Variants in TEC observed in about 807,000 individuals in gnomAD.
TEC encodes the protein tyrosine-protein kinase Tec.
A neutral mutation model predicts 93.0 loss-of-function variants in TEC; 72 were observed. The observed-to-expected ratio is 0.77, with a 90% CI of 0.64 to 0.94. TEC has a LOEUF of 0.94. Among genes scored for constraint, TEC ranks in the 40% least tolerant of loss-of-function variants. The pLI is 0.00. For synonymous variants in TEC, 249 were observed against 247.7 expected, an observed-to-expected ratio of 1.01 and a Z score of -0.05; for missense variants, 630 against 757.9, an observed-to-expected ratio of 0.83 and a Z score of 1.98.
chr4:48,184,145 A>G (rs1560396287), intron 2 of TEC, among the ~76,000 whole-genome samples: 1 of 152,220 alleles, frequency 6.6e-6, no homozygotes, highest in African/African-American at 2.4e-5. Flanking sequence ...GTGAATCCTC[A>G]CAGCATTATA....
chr4:48,233,361 A>T (rs1396066065), intron 1 of TEC, among the ~76,000 whole-genome samples: 10 of 126,622 alleles, frequency 7.9e-5, no homozygotes, highest in African/African-American at 1.7e-4. Flanking sequence ...TTTTTTTTTT[A>T]AAGACAAGGT....
chr4:48,198,207 G>T (rs1722369218), intron 2 of TEC, among the ~76,000 whole-genome samples: 1 of 152,242 alleles, frequency 6.6e-6, no homozygotes, highest in South Asian at 2.1e-4. Flanking sequence ...GATCCTGGGG[G>T]GAATATCAAG....
chr4:48,175,650 G>A (rs1046201687), intron 3 of TEC, among the ~76,000 whole-genome samples: 1 of 152,130 alleles, frequency 6.6e-6, no homozygotes, highest in Non-Finnish European at 1.5e-5. Flanking sequence ...TATTTAACAG[G>A]TGAGCACTGA....
intron 1 of TEC, among the ~76,000 whole-genome samples, chr4:48,261,282 T>C (rs1724491899): frequency 6.6e-6 from 1 of 152,252 alleles, no homozygotes. Context: ...CCAGTTAAAT[T>C]GTATTTCTGT....
intron 15 of TEC, among the ~76,000 whole-genome samples, chr4:48,140,812 C>T (rs1314532273): frequency 6.6e-6 from 1 of 152,060 alleles, no homozygotes; most frequent in Non-Finnish European, 1.5e-5. Context: ...CGACCATGCT[C>T]GATCATGTAA....
At chr4:48,264,266 A>G (rs1724574463) in intron 1 of TEC, among the ~76,000 whole-genome samples, 1 of 152,194 alleles carries the variant, frequency 6.6e-6, no homozygotes, top group African/African-American at 2.4e-5. Flanking sequence ...TGACTTTTTA[A>G]AGTCTTTTTA....
intron 2 of TEC, among the ~76,000 whole-genome samples, chr4:48,218,296 C>T (rs1477033925): frequency 2.0e-5 from 3 of 152,146 alleles, no homozygotes; most frequent in South Asian, 2.1e-4. Flanking sequence ...CTAATGATTA[C>T]ATGGAGTATT....
chr4:48,232,305 CAA>C (rs1213201296), intron 1 of TEC, among the ~76,000 whole-genome samples: 6 of 135,794 alleles, frequency 4.4e-5, no homozygotes, highest in Admixed American at 7.3e-5. Context: ...ACAAAAAAAA[CAA>C]AACAAAAAAA....
chr4:48,236,666 C>T (rs1352310391), intron 1 of TEC, among the ~76,000 whole-genome samples: 1 of 152,218 alleles, frequency 6.6e-6, no homozygotes, highest in Non-Finnish European at 1.5e-5. Flanking sequence ...GTACTATTCC[C>T]TTTGCCTTGG....
At chr4:48,266,868 G>C (rs1724651869) in intron 1 of TEC, among the ~76,000 whole-genome samples, 1 of 151,316 alleles carries the variant, frequency 6.6e-6, no homozygotes, top group Non-Finnish European at 1.5e-5. Flanking sequence ...AAAAAGTTAT[G>C]CTTGGCTTAG....
chr4:48,150,932 C>T lies in TEC; in HGVS notation c.803G>A (p.Gly268Asp). The T allele has an allele frequency of 1.3e-6, 2 of 1,581,854 alleles. No homozygotes were observed. Among genetic ancestry groups the T allele is most frequent in the Non-Finnish European group, 1.7e-6 (2 of 1,165,558 alleles). The change falls in exon 10 of 18, where the codon GGT (glycine) becomes GAT (aspartate). Residue 268 changes from glycine to aspartate, a missense_variant. Physicochemically the swap from Gly to Asp is moderately conservative, Grantham distance 94. Transcript: ENST00000381501. ...EQLLRSEDKE[G>D]GFMVRDSSQP... The stretch of plus-strand genomic sequence containing the variant: ...ACTGGAATCCCTTACCATAAAACCA[C>T]CTTCTTTATCCTAAAATCCAAGTTC...
At chr4:48,144,767 G>A (rs1200987737) in intron 14 of TEC, among the ~76,000 whole-genome samples, 1 of 152,132 alleles carries the variant, frequency 6.6e-6, no homozygotes, top group East Asian at 1.9e-4. Flanking sequence ...CTTCCCTGAA[G>A]CTAATTTTCT....
chr4:48,238,475 G>T (rs1383358910), intron 1 of TEC, among the ~76,000 whole-genome samples: 1 of 151,936 alleles, frequency 6.6e-6, no homozygotes, highest in Non-Finnish European at 1.5e-5. Context: ...TAGGACAAAA[G>T]GCAAAAGTTG....
At chr4:48,256,904 T>C (rs1724361478) in intron 1 of TEC, among the ~76,000 whole-genome samples, 1 of 152,222 alleles carries the variant, frequency 6.6e-6, no homozygotes, top group Non-Finnish European at 1.5e-5. Context: ...AGAGCTGCGC[T>C]GTTCAATATG....
At position 48,146,218 on chromosome 4, in the gene TEC, A is replaced by T. The variant is rs1719899518; in HGVS notation, c.1081+107T>A. 3 of 1,019,426 alleles carry T rather than the reference A, an allele frequency of 2.9e-6. No homozygotes were observed. In the East Asian group the frequency reaches 7.3e-5, roughly 25 times the overall value. The allele number at this position is 1,019,426 out of a possible 1,614,324, so 63.1% of individuals were successfully genotyped here. A position where few individuals can be genotyped will look rare whatever the true frequency, so the allele number is the denominator to read the frequency against. On this transcript the variant is annotated intron_variant, in intron 12 of 17. Transcript: ENST00000381501. The stretch of plus-strand genomic sequence containing the variant: ...ATCTAAAAACCTATACTATAAACTT[A>T]TAAAAAACAGTTCCAGTATGTGAAA...
At chr4:48,192,703 G>A (rs1722135196) in intron 2 of TEC, among the ~76,000 whole-genome samples, 1 of 152,130 alleles carries the variant, frequency 6.6e-6, no homozygotes, top group Admixed American at 6.5e-5. Flanking sequence ...TTTATAATGG[G>A]CCAGAAGTAG....
intron 9 of TEC, among the ~76,000 whole-genome samples, chr4:48,155,523 T>A (rs1720363169): frequency 6.6e-6 from 1 of 152,224 alleles, no homozygotes; most frequent in Admixed American, 6.5e-5. Flanking sequence ...TATAGCTACA[T>A]CTATGACTGA....
intron 15 of TEC, among the ~76,000 whole-genome samples, chr4:48,140,139 T>C (rs1329353797): frequency 6.6e-6 from 1 of 152,242 alleles, no homozygotes; most frequent in Non-Finnish European, 1.5e-5. Context: ...GTCCCATTTC[T>C]GACAGTAACA....
chr4:48,157,642 A>G (rs531566185), intron 8 of TEC, among the ~76,000 whole-genome samples: 12 of 152,264 alleles, frequency 7.9e-5, no homozygotes, highest in Middle Eastern at 3.4e-3. Context: ...CAGCCTCCTG[A>G]GTAGTTGGAA....
Sources: allele counts gnomAD v4.1 joint callset (sites outside exome capture counted in the v4.1 genomes callset), GRCh38; gene constraint gnomAD v4.1.1; transcripts MANE v1.5; gene names NCBI Gene and HGNC (gene_info 2026-07-23, HGNC 2026-07-21).